The following EDA variants were observed in gnomAD, a reference collection of about 807,000 sequenced individuals.
EDA encodes ectodysplasin-A.
EDA carries 2 observed loss-of-function variants against 23.6 expected under a neutral mutation model. The observed-to-expected ratio is 0.08, with a 90% CI of 0.03 to 0.27. The LOEUF (loss-of-function observed/expected upper bound fraction) is 0.27. Ranked by LOEUF, EDA falls within the 10% of genes least tolerant of loss-of-function variation. The pLI, the probability that EDA is intolerant of heterozygous loss-of-function variation, is 1.00. For missense variants in EDA, 229 were observed against 324.2 expected (o/e 0.71, Z 2.26); for synonymous variants, 131 against 132.0 (o/e 0.99, Z 0.05).
At chrX:69,978,326 A>AG (rs2019347111) in intron 2 of EDA, among the ~76,000 whole-genome samples, 1 of 69,251 alleles carries the variant, frequency 1.4e-5, no homozygotes, top group African/African-American at 6.5e-5. Flanking sequence ...TCTAAAAAAA[A>AG]AAAAAAAAAA....
intron 2 of EDA, among the ~76,000 whole-genome samples, chrX:69,962,906 T>G (rs2019122321): frequency 9.0e-6 from 1 of 111,560 alleles, no homozygotes; most frequent in African/African-American, 3.3e-5. Flanking sequence ...TTGTTCTCAC[T>G]CATGCTATCC....
chrX:69,616,974 G>C (rs1310881100), intron 1 of EDA: 2 of 429,389 alleles, frequency 4.7e-6, no homozygotes, highest in Non-Finnish European at 8.2e-6. Context: ...GAGAAAAGTT[G>C]GCGACGCTCC....
At chrX:69,781,770 TAGAC>T (rs772876539) in intron 1 of EDA, among the ~76,000 whole-genome samples, 1 of 111,138 alleles carries the variant, frequency 9.0e-6, no homozygotes, top group Non-Finnish European at 1.9e-5. Context: ...TTATATCTGT[TAGAC>T]AGAAATTCTA....
chrX:69,695,034 T>C (rs1182848375), intron 1 of EDA, among the ~76,000 whole-genome samples: 1 of 111,976 alleles, frequency 8.9e-6, no homozygotes. Context: ...ATATCAAAGG[T>C]TTTGGCCTGG....
chrX:69,792,862 G>A (rs1326957856), intron 1 of EDA, among the ~76,000 whole-genome samples: 1 of 112,087 alleles, frequency 8.9e-6, no homozygotes, highest in African/African-American at 3.2e-5. Context: ...CTTGTAGACT[G>A]GATATTAGTC....
intron 1 of EDA, among the ~76,000 whole-genome samples, chrX:69,817,285 G>A (rs1211165756): frequency 9.0e-6 from 1 of 111,367 alleles, no homozygotes; most frequent in Non-Finnish European, 1.9e-5. Context: ...ACACAGACCA[G>A]TGACACTATG....
intron 2 of EDA, among the ~76,000 whole-genome samples, chrX:69,959,289 G>T (rs189417701): frequency 6.2e-4 from 69 of 111,657 alleles, no homozygotes; most frequent in African/African-American, 2.2e-3. Flanking sequence ...TCTTTAATCA[G>T]TATAGCTTGG....
At chrX:69,636,890 G>T (rs993996762) in intron 1 of EDA, among the ~76,000 whole-genome samples, 1 of 111,038 alleles carries the variant, frequency 9.0e-6, no homozygotes, top group South Asian at 3.9e-4. Flanking sequence ...TGCTCCAGTG[G>T]GGTGTGGCAA....
At chrX:70,006,400 T>G (rs932182876) in intron 2 of EDA, among the ~76,000 whole-genome samples, 1 of 112,521 alleles carries the variant, frequency 8.9e-6, no homozygotes, top group African/African-American at 3.2e-5. Flanking sequence ...TTGTCAGTAT[T>G]TTGAATTTTA....
chrX:69,835,741 G>A (rs1041455489), intron 1 of EDA, among the ~76,000 whole-genome samples: 32 of 111,834 alleles, frequency 2.9e-4, no homozygotes, highest in African/African-American at 1.0e-3. Flanking sequence ...TCTCCATCCA[G>A]CTTTGTTCCG....
At chrX:69,618,215 C>T (rs1327277430) in intron 1 of EDA, among the ~76,000 whole-genome samples, 2 of 111,636 alleles carry the variant, frequency 1.8e-5, no homozygotes, top group Non-Finnish European at 3.8e-5. Flanking sequence ...AAATGTTGGC[C>T]AATACTTTTT....
chrX:69,769,321 A>C (rs931244334), intron 1 of EDA, among the ~76,000 whole-genome samples: 1 of 111,851 alleles, frequency 8.9e-6, no homozygotes, highest in Non-Finnish European at 1.9e-5. Flanking sequence ...TTGCACTTCT[A>C]TCAGTGATCC....
chrX:69,971,452 A>G (rs2019247296), intron 2 of EDA, among the ~76,000 whole-genome samples: 1 of 112,424 alleles, frequency 8.9e-6, no homozygotes, highest in Admixed American at 9.4e-5. Flanking sequence ...ATCATGCAAC[A>G]TTGCCATGGG....
At chrX:69,912,929 G>A (rs1476041488) in intron 1 of EDA, among the ~76,000 whole-genome samples, 3 of 109,527 alleles carry the variant, frequency 2.7e-5, no homozygotes, top group African/African-American at 6.7e-5. Context: ...CATCACACTC[G>A]TCTAATTTTT....
intron 1 of EDA, among the ~76,000 whole-genome samples, chrX:69,784,320 CTT>C (rs2015070450): frequency 9.7e-6 from 1 of 102,796 alleles, no homozygotes; most frequent in African/African-American, 3.6e-5. Context: ...TCAATTTTGT[CTT>C]TTGTTGCCAT....
At chrX:69,785,578 T>C (rs1394084627) in intron 1 of EDA, among the ~76,000 whole-genome samples, 2 of 111,071 alleles carry the variant, frequency 1.8e-5, no homozygotes, top group African/African-American at 6.5e-5. Flanking sequence ...TGGTTCTGTT[T>C]ATATGCTGGA....
intron 2 of EDA, among the ~76,000 whole-genome samples, chrX:70,012,930 C>T (rs1031821310): frequency 8.9e-6 from 1 of 112,593 alleles, no homozygotes; most frequent in African/African-American, 3.2e-5. Context: ...GCCACTTTTG[C>T]TGCTTCACAG....
At chrX:69,918,911 A>G (rs2018385302) in intron 1 of EDA, among the ~76,000 whole-genome samples, 1 of 111,218 alleles carries the variant, frequency 9.0e-6, no homozygotes, top group African/African-American at 3.3e-5. Flanking sequence ...GAAAACCCAT[A>G]GCTGATAGAT....
intron 1 of EDA, chrX:69,937,538 G>T: frequency 9.9e-7 from 1 of 1,014,452 alleles, no homozygotes; most frequent in East Asian, 3.0e-5. Context: ...AGCCAAAGTT[G>T]TAACTGCTGT....
Sources: allele counts gnomAD v4.1 joint callset (sites outside exome capture counted in the v4.1 genomes callset), GRCh38; gene constraint gnomAD v4.1.1; transcripts MANE v1.5; gene names NCBI Gene and HGNC (gene_info 2026-07-23, HGNC 2026-07-21).